PHC3: variants seen among roughly 807,000 people sequenced by gnomAD.
PHC3 encodes polyhomeotic homolog 3.
Under a neutral mutation model 107.4 loss-of-function variants are expected in PHC3, and 13 were observed. That is an observed-to-expected ratio of 0.12 (90% CI 0.08 to 0.19). The LOEUF (loss-of-function observed/expected upper bound fraction) is 0.19, where lower values mean the gene tolerates loss of function less well. Among genes scored for constraint, PHC3 ranks in the 10% least tolerant of loss-of-function variants. The pLI is 1.00. For synonymous variants in PHC3, 456 were observed against 427.4 expected (o/e 1.07, Z -0.83); for missense variants, 992 against 1,210.9 (o/e 0.82, Z 2.68).
intron 4 of PHC3, among the ~76,000 whole-genome samples, chr3:170,150,170 C>G (rs1725668915): frequency 6.6e-6 from 1 of 152,126 alleles, no homozygotes; most frequent in African/African-American, 2.4e-5. Flanking sequence ...ACATCCTAAT[C>G]AACAGTTTAT....
intron 6 of PHC3, among the ~76,000 whole-genome samples, chr3:170,137,809 G>A (rs1450014737): frequency 6.6e-6 from 1 of 152,042 alleles, no homozygotes; most frequent in South Asian, 2.1e-4. Context: ...TGAGGCAGGA[G>A]AATCACTTGA....
rs1002478959 is a variant in PHC3 at position 170,119,036 on chromosome 3, T to TAAAA, written c.1943-1564_1943-1561dup. Among the ~76,000 whole-genome samples, 18 of 72,640 alleles carry TAAAA rather than the reference T, an allele frequency of 2.5e-4. No individual in the cohort carries two copies. In the South Asian group the frequency reaches 2.8e-3, roughly 11 times the overall value. 47.7% of individuals were successfully genotyped at this position (72,640 alleles called of 152,430 possible). ...CAAAGTCACACAATCTATAAAAAGC[T>TAAAA]AAAAAAAAAAAAAAAAAAAGAAAAA... On this transcript the variant is annotated intron_variant, in intron 9 of 14. Transcript: ENST00000495893.
chr3:170,130,371 T>C (rs1722058377), intron 7 of PHC3, among the ~76,000 whole-genome samples: 1 of 152,208 alleles, frequency 6.6e-6, no homozygotes, highest in Non-Finnish European at 1.5e-5. Context: ...CAAATGAGTT[T>C]CCATTTTTGA....
chr3:170,102,446 A>G, intron 14 of PHC3, 33 bp downstream of exon 14: 1 of 1,599,062 alleles, frequency 6.3e-7, no homozygotes, highest in Middle Eastern at 1.7e-4. Context: ...ATGCACAAGA[A>G]AAATATTAAG....
chr3:170,119,052 A>AAAG (rs1560046941), intron 9 of PHC3, among the ~76,000 whole-genome samples: 1 of 151,268 alleles, frequency 6.6e-6, no homozygotes, highest in East Asian at 1.9e-4. Context: ...AAAAAAAAAA[A>AAAG]AAAGAAAAAG....
At chr3:170,150,865 T>C (rs1220736904) in intron 4 of PHC3, among the ~76,000 whole-genome samples, 1 of 152,048 alleles carries the variant, frequency 6.6e-6, no homozygotes, top group Non-Finnish European at 1.5e-5. Context: ...GCATACTCTT[T>C]TTTTTATCTT....
chr3:170,130,699 T>C (rs184884230), intron 7 of PHC3, among the ~76,000 whole-genome samples: 3 of 152,276 alleles, frequency 2.0e-5, no homozygotes, highest in Non-Finnish European at 4.4e-5. Flanking sequence ...CAGGAATAAA[T>C]ATATGTAAGA....
intron 11 of PHC3, among the ~76,000 whole-genome samples, chr3:170,111,272 A>G (rs1717608365): frequency 1.2e-5 from 1 of 81,890 alleles, no homozygotes; most frequent in African/African-American, 6.0e-5. Flanking sequence ...GAAGGAAGGA[A>G]GGAAGGAAGG....
In PHC3 at chr3:170,091,249, TTTAA is replaced by T. The variant is rs577120742; in HGVS notation, c.*5977_*5980del. 3.0e-4 allele frequency: 46 copies of T among 152,328 alleles called. 1 individual carries two copies. In the East Asian group the frequency reaches 8.3e-3, roughly 27 times the overall value. 9.4% of individuals were successfully genotyped at this position (152,328 alleles called of 1,614,324 possible). The stretch of plus-strand genomic sequence containing the variant: ...AAGAACTTACTACCTTACTCTTATA[TTTAA>T]TTAACACCTTGCCATGTTAGTATAA... On this transcript the variant is annotated 3_prime_UTR_variant, in exon 15 of 15. Coordinates refer to ENST00000495893, the MANE Select transcript of PHC3 (RefSeq NM_024947.4).
chr3:170,102,544 A>G lies in PHC3; in HGVS notation c.2768T>C (p.Val923Ala). The change falls in exon 14 of 15, where the codon GTT becomes GCT. Residue 923 changes from valine (V) to alanine (A), a missense_variant. By Grantham distance (64) the Val-to-Ala change is moderately conservative. Around this residue, in one of 6 missense-constraint regions of PHC3, gnomAD observed 228 missense variants for 288.8 expected, o/e 0.79. Coordinates refer to ENST00000495893, the MANE Select transcript of PHC3 (RefSeq NM_024947.4). Reference protein sequence around the residue: ...KMPENSDLLPVAQTEPSIWTV... With the variant: ...KMPENSDLLPAAQTEPSIWTV... Reference sequence around the variant, plus strand: ...CCATATAGATGGCTCTGTTTGTGCAACTGGTAGCAAGTCACTGTTCTCAGG... The same window carrying G: ...CCATATAGATGGCTCTGTTTGTGCAGCTGGTAGCAAGTCACTGTTCTCAGG... 6.2e-7 allele frequency: 1 copy of G among 1,613,884 alleles called. No individual in the cohort carries two copies. Among genetic ancestry groups the G allele is most frequent in the Non-Finnish European group, 8.5e-7 (1 of 1,179,828 alleles).
Position 170,128,992 on chromosome 3 carries a change from C to T in PHC3, c.1480G>A (p.Val494Ile), listed in dbSNP as rs745635857. 3.1e-6 allele frequency: 5 copies of T among 1,613,748 alleles called. No individual in the cohort carries two copies. Among genetic ancestry groups the T allele is most frequent in the African/African-American group, 1.3e-5 (1 of 74,918 alleles). Residue 494 changes from valine (V) to isoleucine (I), a missense_variant, in exon 8 of 15, where the codon GTC becomes ATC. Physicochemically the swap from Val to Ile is conservative, Grantham distance 29. This residue lies in a region of PHC3 where 543 missense variants were observed against 590.8 expected (regional missense o/e 0.92). Transcript: ENST00000495893. ...SALVSPGQQI[V>I]SPSHQQYSSL... ...GAATATTGCTGGTGTGATGGAGAGA[C>T]AATCTGCTGGCCTGGGGATACCAAG...
At chr3:170,126,528 A>ATATATATATATATATATATATATTT (rs370421296) in intron 8 of PHC3, among the ~76,000 whole-genome samples, 1 of 90,636 alleles carries the variant, frequency 1.1e-5, no homozygotes, top group African/African-American at 4.5e-5. Context: ...ATATATATAT[A>ATATATATATATATATATATATATTT]TTTTTTTTTT....
chr3:170,106,812 A>G lies in PHC3; in HGVS notation c.2468+20T>C, dbSNP rs1325314751. 2.5e-6 allele frequency: 4 copies of G among 1,579,476 alleles called. No homozygotes were observed. The African/African-American group carries it at 5.4e-5, about 21-fold the overall frequency. On this transcript the variant is annotated intron_variant, in intron 12 of 14. Coordinates refer to ENST00000495893, the MANE Select transcript of PHC3 (RefSeq NM_024947.4). ...TGGCTATTTATCTGTCCTTTGGGAA[A>G]TTCAAGAGCACAGAAATACCTTTTG... is the stretch of plus-strand genomic sequence containing the variant.
intron 4 of PHC3, among the ~76,000 whole-genome samples, chr3:170,165,061 G>A (rs960914160): frequency 2.6e-5 from 4 of 152,190 alleles, no homozygotes; most frequent in African/African-American, 4.8e-5. Flanking sequence ...GAGACCATGT[G>A]GGGAGAGTAA....
At chr3:170,137,261 C>G (rs1280045536) in intron 6 of PHC3, among the ~76,000 whole-genome samples, 1 of 152,172 alleles carries the variant, frequency 6.6e-6, no homozygotes. Context: ...AAAACTACAT[C>G]TCATGAACTG....
intron 6 of PHC3, among the ~76,000 whole-genome samples, chr3:170,142,572 C>G (rs1724284709): frequency 6.6e-6 from 1 of 152,112 alleles, no homozygotes; most frequent in South Asian, 2.1e-4. Flanking sequence ...AGATGTTTGG[C>G]AACTTGTCCA....
At chr3:170,169,644 A>G (rs1182986073) in intron 4 of PHC3, 1 of 152,252 alleles carries the variant, frequency 6.6e-6, no homozygotes, top group Non-Finnish European at 1.5e-5. Context: ...TAACATTAAC[A>G]ATGTCATATA....
intron 8 of PHC3, among the ~76,000 whole-genome samples, chr3:170,124,079 A>T (rs1460215636): frequency 1.3e-5 from 2 of 151,872 alleles, no homozygotes; most frequent in African/African-American, 4.8e-5. Context: ...TGATCTCTTG[A>T]CCTCGTGATC....
In PHC3 at chr3:170,179,487, CT is replaced by C. The variant is rs570619592; in HGVS notation, c.15-550del. On this transcript the variant is annotated intron_variant, in intron 1 of 14. Coordinates refer to ENST00000495893, the MANE Select transcript of PHC3 (RefSeq NM_024947.4). ...AAGTAATTTTTTTAACTCACACTGG[CT>C]TTTCCCCTAATCAGTCTACAACGCT... Among the ~76,000 whole-genome samples, 14 of 152,268 alleles carry C rather than the reference CT, an allele frequency of 9.2e-5. No homozygotes were observed. In the East Asian group the frequency reaches 2.5e-3, roughly 27 times the overall value.
Sources: allele counts gnomAD v4.1 joint callset (sites outside exome capture counted in the v4.1 genomes callset), GRCh38; gene constraint gnomAD v4.1.1; regional missense constraint gnomAD v4.1.1; transcripts MANE v1.5; gene names NCBI Gene and HGNC (gene_info 2026-07-23, HGNC 2026-07-21).